CFDP1: variants seen among roughly 807,000 people sequenced by gnomAD.
CFDP1 encodes the protein heterochromatin-stabilizing protein CFDP1.
A neutral mutation model predicts 40.1 loss-of-function variants in CFDP1; 31 were observed. The observed-to-expected ratio is 0.77, with a 90% confidence interval of 0.58 to 1.04. The LOEUF (loss-of-function observed/expected upper bound fraction) is 1.04, where lower values mean the gene tolerates loss of function less well. CFDP1 is among the 50% of genes least tolerant of loss of function. The pLI is 0.00. For missense variants in CFDP1, 423 were observed against 343.4 expected (o/e 1.23, Z -1.83); for synonymous variants, 167 against 120.0 (o/e 1.39, Z -2.56).
chr16:75,334,032 A>T (rs1051315225), intron 5 of CFDP1, among the ~76,000 whole-genome samples: 3 of 151,960 alleles, frequency 2.0e-5, no homozygotes, highest in African/African-American at 7.3e-5. Context: ...GACCAATTTA[A>T]CTCTGTGAGA....
At position 75,430,894 on chromosome 16, in the gene CFDP1, C is replaced by T. The variant is rs146141969; in HGVS notation, c.64+2395G>A. 3.6e-3 allele frequency among the ~76,000 whole-genome samples: 547 copies of T among 152,328 alleles called. 4 individuals carry two copies. The highest frequency in any genetic ancestry group is 0.012 in the African/African-American group (514 of 41,568). On this transcript the variant is annotated intron_variant, in intron 1 of 6. Transcript: ENST00000283882. ...TCAGAGACATACAATGAGGCAGGTT[C>T]AGCCCCCACTTCCCATCATGGCCCA...
At chr16:75,331,440 T>C (rs1487926259) in intron 5 of CFDP1, among the ~76,000 whole-genome samples, 4 of 152,164 alleles carry the variant, frequency 2.6e-5, no homozygotes, top group Non-Finnish European at 5.9e-5. Context: ...TTAAAGGTAC[T>C]ATTTATCTCC....
chr16:75,331,127 G>C (rs533951774), intron 5 of CFDP1, among the ~76,000 whole-genome samples: 1 of 152,210 alleles, frequency 6.6e-6, no homozygotes, highest in African/African-American at 2.4e-5. Flanking sequence ...AATGCAGTTT[G>C]TGTCCCTCTC....
chr16:75,381,092 G>C (rs2078848303), intron 5 of CFDP1: 1 of 152,086 alleles, frequency 6.6e-6, no homozygotes, highest in Admixed American at 6.6e-5. Flanking sequence ...TGTAAACTTA[G>C]GAAATGATTA....
chr16:75,404,025 G>T (rs13336197), intron 4 of CFDP1, among the ~76,000 whole-genome samples: 1 of 151,466 alleles, frequency 6.6e-6, no homozygotes, highest in Non-Finnish European at 1.5e-5. Flanking sequence ...CCAGCTACTC[G>T]GGAGGCTAAG....
chr16:75,425,408 A>AC (rs1260042274), intron 1 of CFDP1, among the ~76,000 whole-genome samples: 2 of 151,304 alleles, frequency 1.3e-5, no homozygotes, highest in Non-Finnish European at 2.9e-5. Context: ...AAAAAAAAAA[A>AC]AAAACTATAT....
chr16:75,363,346 C>G (rs796212752), intron 5 of CFDP1, among the ~76,000 whole-genome samples: 1 of 150,312 alleles, frequency 6.7e-6, no homozygotes, highest in Non-Finnish European at 1.5e-5. Context: ...TACTGCTCAT[C>G]TAGTGCACAA....
chr16:75,323,180 G>T (rs2078377423), intron 5 of CFDP1, among the ~76,000 whole-genome samples: 1 of 150,912 alleles, frequency 6.6e-6, no homozygotes, highest in Admixed American at 6.6e-5. Context: ...TTTCTGTAAG[G>T]TTTTTTTCTA....
At chr16:75,424,522 G>A (rs1258193670) in intron 1 of CFDP1, among the ~76,000 whole-genome samples, 1 of 152,206 alleles carries the variant, frequency 6.6e-6, no homozygotes, top group African/African-American at 2.4e-5. Flanking sequence ...TTGGGAGGCT[G>A]AGGCGGGCGG....
chr16:75,380,973 A>T (rs1224706317), intron 5 of CFDP1, among the ~76,000 whole-genome samples: 1 of 152,234 alleles, frequency 6.6e-6, no homozygotes, highest in Non-Finnish European at 1.5e-5. Flanking sequence ...ACTAATAGAC[A>T]ACAAAGATAA....
chr16:75,415,346 CCT>C (rs1345505060), intron 1 of CFDP1, among the ~76,000 whole-genome samples: 1 of 152,168 alleles, frequency 6.6e-6, no homozygotes, highest in East Asian at 1.9e-4. Context: ...CTACCTTTTT[CCT>C]CTTTTACTTC....
intron 1 of CFDP1, among the ~76,000 whole-genome samples, chr16:75,424,250 C>T (rs545040365): frequency 9.9e-5 from 15 of 152,260 alleles, no homozygotes; most frequent in South Asian, 2.1e-4. Flanking sequence ...TGAATTTCAG[C>T]CATTTGCTTA....
At chr16:75,366,515 G>T (rs1486633381) in intron 5 of CFDP1, among the ~76,000 whole-genome samples, 2 of 151,608 alleles carry the variant, frequency 1.3e-5, no homozygotes, top group African/African-American at 2.4e-5. Context: ...CCCAGCTACT[G>T]GGGAGGCTGA....
intron 4 of CFDP1, chr16:75,406,425 G>T (rs1021701162): frequency 6.7e-6 from 1 of 148,602 alleles, no homozygotes; most frequent in Non-Finnish European, 1.5e-5. Flanking sequence ...CAAATAGGCA[G>T]GGTGCGGTGG....
chr16:75,392,851 T>G (rs1038999112), intron 5 of CFDP1, among the ~76,000 whole-genome samples: 2 of 152,264 alleles, frequency 1.3e-5, no homozygotes, highest in Non-Finnish European at 2.9e-5. Flanking sequence ...TACAGCTGCC[T>G]TCATCTGATT....
chr16:75,318,580 A>AT lies in CFDP1; in HGVS notation c.651-13399dup, dbSNP rs552528448. Among the ~76,000 whole-genome samples the AT allele has an allele frequency of 3.3e-5, 5 of 151,678 alleles. No individual in the cohort carries two copies. In the East Asian group the frequency reaches 5.8e-4, roughly 18 times the overall value. On this transcript the variant is annotated intron_variant, in intron 5 of 6. Coordinates refer to ENST00000283882, the MANE Select transcript of CFDP1 (RefSeq NM_006324.3). Reference sequence around the variant, plus strand: ...GCTGCCATGCCTAGCTAATTTTTGTATTTTTAGTAGAGACTGGGTTTCACC... The same window carrying AT: ...GCTGCCATGCCTAGCTAATTTTTGTATTTTTTAGTAGAGACTGGGTTTCACC...
intron 5 of CFDP1, among the ~76,000 whole-genome samples, chr16:75,384,440 G>T (rs770220470): frequency 2.6e-5 from 4 of 152,178 alleles, no homozygotes; most frequent in Non-Finnish European, 4.4e-5. Context: ...TTACTACAAT[G>T]ATCGTGGAGA....
At chr16:75,406,606 C>A (rs2079101291) in intron 4 of CFDP1, 1 of 152,020 alleles carries the variant, frequency 6.6e-6, no homozygotes, top group Non-Finnish European at 1.5e-5. Flanking sequence ...GAGGCTGAGG[C>A]AGGAGAATGG....
intron 1 of CFDP1, among the ~76,000 whole-genome samples, chr16:75,432,163 G>C (rs2079427756): frequency 6.6e-6 from 1 of 150,616 alleles, no homozygotes; most frequent in African/African-American, 2.4e-5. Flanking sequence ...ACCCACCTCA[G>C]CCTCCCAAAG....
Sources: allele counts gnomAD v4.1 joint callset (sites outside exome capture counted in the v4.1 genomes callset), GRCh38; gene constraint gnomAD v4.1.1; transcripts MANE v1.5; gene names NCBI Gene and HGNC (gene_info 2026-07-23, HGNC 2026-07-21).